XYLT1: variants seen among roughly 807,000 people sequenced by gnomAD.
XYLT1 encodes the protein beta-D-xylosyltransferase 1.
In XYLT1, 36 loss-of-function variants were observed where a neutral mutation model predicts 91.3. The observed-to-expected ratio is 0.39, with a 90% CI of 0.30 to 0.52. The LOEUF (loss-of-function observed/expected upper bound fraction) is 0.52. Ranked by LOEUF, XYLT1 falls within the 20% of genes least tolerant of loss-of-function variation. The pLI, the probability that XYLT1 is intolerant of heterozygous loss-of-function variation, is 0.68. For missense variants in XYLT1, 1,242 were observed against 1,284.5 expected, an observed-to-expected ratio of 0.97 and a Z score of 0.51; for synonymous variants, 588 against 532.0, an observed-to-expected ratio of 1.11 and a Z score of -1.45.
chr16:17,318,790 C>T (rs902616473), intron 2 of XYLT1, among the ~76,000 whole-genome samples: 4 of 142,642 alleles, frequency 2.8e-5, no homozygotes, highest in African/African-American at 1.0e-4. Flanking sequence ...TCTGCTTACT[C>T]TTTTTTTTTT....
chr16:17,329,361 C>T (rs2034862391), intron 2 of XYLT1, among the ~76,000 whole-genome samples: 2 of 152,222 alleles, frequency 1.3e-5, no homozygotes, highest in Admixed American at 6.5e-5. Context: ...GGATATAATA[C>T]ATTGCTGCGT....
intron 5 of XYLT1, among the ~76,000 whole-genome samples, chr16:17,175,573 G>A (rs577813759): frequency 6.8e-4 from 104 of 152,278 alleles, no homozygotes; most frequent in African/African-American, 2.4e-3. Flanking sequence ...GCCCGCAGGC[G>A]TGGTCATGGA....
In XYLT1 at chr16:17,141,177, G is replaced by A. The variant is rs2030962517; in HGVS notation, c.1563C>T (p.Tyr521=). Residue 521 remains tyrosine, a synonymous_variant, in exon 7 of 12, where the codon TAC becomes TAT. Transcript: ENST00000261381. ...DDLVTKMKQF[Y]SYTLLPAESF... ...CCTCAGCAGGAAGCAGGGTGTAGGA[G>A]TAGAACTGTTTCATCTTGGTCACCA... 6.2e-7 allele frequency: 1 copy of A among 1,614,212 alleles called. No individual in the cohort carries two copies. The highest frequency in any genetic ancestry group is 8.5e-7 in the Non-Finnish European group (1 of 1,180,020).
In XYLT1 at chr16:17,121,721, T is replaced by A. The variant is rs2030061822; in HGVS notation, c.2224-3742A>T. Among the ~76,000 whole-genome samples, 2 of 152,070 alleles carry A rather than the reference T, an allele frequency of 1.3e-5. 1 individual carries two copies. Among genetic ancestry groups the A allele is most frequent in the Admixed American group, 1.3e-4 (2 of 15,278 alleles). On this transcript the variant is annotated intron_variant, in intron 10 of 11. Transcript: ENST00000261381. ...TACACTGCACCCCATGTGTAGTCTTTTATCCCCTATATCCCCTCCCCTATA... is the reference window on the plus strand; with the variant it reads ...TACACTGCACCCCATGTGTAGTCTTATATCCCCTATATCCCCTCCCCTATA...
intron 1 of XYLT1, among the ~76,000 whole-genome samples, chr16:17,386,436 A>G (rs2035748614): frequency 1.3e-5 from 2 of 152,248 alleles, no homozygotes; most frequent in Admixed American, 1.3e-4. Flanking sequence ...GATTAACAGC[A>G]GAGTTGCTTT....
chr16:17,289,924 G>C (rs1490079990), intron 2 of XYLT1, among the ~76,000 whole-genome samples: 1 of 152,184 alleles, frequency 6.6e-6, no homozygotes, highest in Non-Finnish European at 1.5e-5. Context: ...TTTCTGCAGA[G>C]AACAAAAATT....
intron 1 of XYLT1, among the ~76,000 whole-genome samples, chr16:17,402,940 C>T (rs1266926736): frequency 2.0e-5 from 3 of 151,872 alleles, no homozygotes; most frequent in African/African-American, 7.2e-5. Flanking sequence ...GGGTCTCACT[C>T]TGTTGCCCAG....
At chr16:17,262,375 G>A (rs976822148) in intron 2 of XYLT1, among the ~76,000 whole-genome samples, 8 of 152,140 alleles carry the variant, frequency 5.3e-5, no homozygotes, top group African/African-American at 1.4e-4. Flanking sequence ...GGGAGGCAGC[G>A]AACTTGCATC....
At chr16:17,238,908 G>A (rs2033291947) in intron 3 of XYLT1, among the ~76,000 whole-genome samples, 1 of 152,200 alleles carries the variant, frequency 6.6e-6, no homozygotes, top group Non-Finnish European at 1.5e-5. Flanking sequence ...CTCATGATAT[G>A]AGGTAGGGCA....
intron 9 of XYLT1, among the ~76,000 whole-genome samples, chr16:17,134,050 C>A (rs903623378): frequency 1.5e-4 from 23 of 152,124 alleles, no homozygotes; most frequent in Non-Finnish European, 3.1e-4. Flanking sequence ...GAAACAAGAT[C>A]AGCCCCGAGT....
intron 6 of XYLT1, among the ~76,000 whole-genome samples, chr16:17,143,989 G>A (rs546405869): frequency 1.3e-5 from 2 of 152,254 alleles, no homozygotes; most frequent in South Asian, 4.2e-4. Flanking sequence ...AAACATATGA[G>A]CATTATCATT....
intron 1 of XYLT1, among the ~76,000 whole-genome samples, chr16:17,406,635 T>G (rs2141906967): frequency 6.6e-6 from 1 of 152,296 alleles, no homozygotes; most frequent in South Asian, 2.1e-4. Flanking sequence ...GGAAGACAAG[T>G]GGAGACCAGG....
chr16:17,263,490 C>T (rs1165983966), intron 2 of XYLT1, among the ~76,000 whole-genome samples: 1 of 151,866 alleles, frequency 6.6e-6, no homozygotes. Flanking sequence ...TACTCAGCTG[C>T]CATGGGAACC....
intron 2 of XYLT1, among the ~76,000 whole-genome samples, chr16:17,261,511 G>A (rs1181855394): frequency 6.6e-6 from 1 of 152,100 alleles, no homozygotes; most frequent in Non-Finnish European, 1.5e-5. Flanking sequence ...GGGCTACCAG[G>A]GACATGATCC....
chr16:17,452,453 T>C (rs1055611895), intron 1 of XYLT1, among the ~76,000 whole-genome samples: 4 of 152,080 alleles, frequency 2.6e-5, no homozygotes, highest in African/African-American at 9.7e-5. Context: ...ATTTTTTTAA[T>C]GGACTTTTAT....
At chr16:17,133,610 G>A (rs4782033) in intron 9 of XYLT1, among the ~76,000 whole-genome samples, 2,058 of 152,232 alleles carry the variant, frequency 0.014, 22 homozygotes, top group Non-Finnish European at 0.02. Flanking sequence ...AATGCCAAGG[G>A]AAGAAAACAG....
chr16:17,328,052 T>C (rs2034839056), intron 2 of XYLT1, among the ~76,000 whole-genome samples: 1 of 152,090 alleles, frequency 6.6e-6, no homozygotes, highest in African/African-American at 2.4e-5. Context: ...TTTGAATTAA[T>C]TGCAGGAGTA....
At chr16:17,392,915 T>C (rs1272427725) in intron 1 of XYLT1, among the ~76,000 whole-genome samples, 1 of 152,210 alleles carries the variant, frequency 6.6e-6, no homozygotes, top group African/African-American at 2.4e-5. Context: ...AATATATAAG[T>C]GACTGTTCCC....
chr16:17,272,780 C>T (rs572980527), intron 2 of XYLT1, among the ~76,000 whole-genome samples: 27 of 152,330 alleles, frequency 1.8e-4, no homozygotes, highest in African/African-American at 3.6e-4. Flanking sequence ...TGTCTGCACG[C>T]GGTGACACTG....
Sources: gnomAD v4.1 joint callset for allele counts (sites outside exome capture counted in the v4.1 genomes callset) on GRCh38, gnomAD v4.1.1 for gene constraint, MANE v1.5 for transcripts, NCBI Gene and HGNC (gene_info 2026-07-23, HGNC 2026-07-21) for gene names.